C10orf90: variants seen among roughly 807,000 people sequenced by gnomAD.
C10orf90 encodes (E2-independent) E3 ubiquitin-conjugating enzyme FATS.
C10orf90 carries 56 observed loss-of-function variants against 62.5 expected under a neutral mutation model. The ratio of observed to expected loss-of-function variants is 0.90; its 90% CI spans 0.72 to 1.12. The LOEUF is 1.12. Ranked by LOEUF, C10orf90 falls within the 50% of genes most tolerant of loss-of-function variation. C10orf90 has a pLI of 0.00. For synonymous variants in C10orf90, 386 were observed against 340.4 expected, an observed-to-expected ratio of 1.13 and a Z score of -1.47; for missense variants, 970 against 880.4, an observed-to-expected ratio of 1.10 and a Z score of -1.29.
intron 2 of C10orf90, among the ~76,000 whole-genome samples, chr10:126,644,698 G>T (rs1846131592): frequency 6.6e-6 from 1 of 152,184 alleles, no homozygotes; most frequent in Non-Finnish European, 1.5e-5. Context: ...TCTCCAGTAG[G>T]CATCCACTGT....
chr10:126,642,364 C>T lies in C10orf90; in HGVS notation c.313+4201G>A, dbSNP rs544658453. ...TGGCTAACATGGTGAAACCCCGTCTCTACTAAAAATACAAAAAATTAGCCG... is the reference window on the plus strand; with the variant it reads ...TGGCTAACATGGTGAAACCCCGTCTTTACTAAAAATACAAAAAATTAGCCG... On this transcript the variant is annotated intron_variant, in intron 2 of 9. Transcript: ENST00000488181. Among the ~76,000 whole-genome samples, 5 of 152,208 alleles carry T rather than the reference C, an allele frequency of 3.3e-5. No individual in the cohort carries two copies. In the South Asian group the frequency reaches 1.0e-3, roughly 32 times the overall value.
intron 4 of C10orf90, among the ~76,000 whole-genome samples, chr10:126,488,012 T>C (rs771496217): frequency 3.3e-5 from 5 of 151,752 alleles, no homozygotes; most frequent in Non-Finnish European, 7.4e-5. Context: ...ACTAAAATAA[T>C]AGAAATAAAG....
At chr10:126,478,887 T>A (rs1261623326) in intron 4 of C10orf90, among the ~76,000 whole-genome samples, 2 of 152,118 alleles carry the variant, frequency 1.3e-5, no homozygotes, top group Non-Finnish European at 2.9e-5. Context: ...AGATGCTCAG[T>A]GAACTTTAAA....
rs1181743870 is a variant in C10orf90 at position 126,642,357 on chromosome 10, C to A, written c.313+4208G>T. The stretch of plus-strand genomic sequence containing the variant: ...ACCATCCTGGCTAACATGGTGAAAC[C>A]CCGTCTCTACTAAAAATACAAAAAA... On this transcript the variant is annotated intron_variant, in intron 2 of 9. Coordinates refer to ENST00000488181, the MANE Select transcript of C10orf90 (RefSeq NM_001350921.2). Among the ~76,000 whole-genome samples, 6 of 152,016 alleles carry A rather than the reference C, an allele frequency of 3.9e-5. No homozygotes were observed. The East Asian group carries it at 5.8e-4, about 15-fold the overall frequency.
intron 2 of C10orf90, among the ~76,000 whole-genome samples, chr10:126,521,638 G>C (rs1863749843): frequency 6.6e-6 from 1 of 152,198 alleles, no homozygotes; most frequent in Non-Finnish European, 1.5e-5. Context: ...TTGCATGAGA[G>C]TTATTTAAAA....
chr10:126,464,578 G>C (rs1860172355), intron 5 of C10orf90, 118 bp downstream of exon 5: 2 of 1,136,814 alleles, frequency 1.8e-6, no homozygotes, highest in Non-Finnish European at 2.5e-6. Flanking sequence ...CCCAGTTGGA[G>C]AAGGGGAGGT....
At chr10:126,654,283 C>T (rs1000423153) in intron 1 of C10orf90, among the ~76,000 whole-genome samples, 2 of 152,200 alleles carry the variant, frequency 1.3e-5, no homozygotes, top group East Asian at 3.8e-4. Context: ...GTTTAGTCTC[C>T]ATTGAAAATC....
At chr10:126,468,258 G>T (rs765834955) in intron 4 of C10orf90, among the ~76,000 whole-genome samples, 1 of 152,060 alleles carries the variant, frequency 6.6e-6, no homozygotes, top group Non-Finnish European at 1.5e-5. Context: ...TAGTGGAGAC[G>T]AGGTTTTACC....
chr10:126,558,276 C>T (rs1264991846), intron 2 of C10orf90, among the ~76,000 whole-genome samples: 1 of 152,136 alleles, frequency 6.6e-6, no homozygotes, highest in African/African-American at 2.4e-5. Flanking sequence ...TTTCTTAAAA[C>T]AGAAACTTGT....
At chr10:126,471,936 C>CAG (rs1211796175) in intron 4 of C10orf90, among the ~76,000 whole-genome samples, 4 of 97,970 alleles carry the variant, frequency 4.1e-5, no homozygotes, top group Non-Finnish European at 7.8e-5. Context: ...AACACACACA[C>CAG]ACACACGTGC....
intron 2 of C10orf90, among the ~76,000 whole-genome samples, chr10:126,521,997 G>A (rs1863765892): frequency 6.6e-6 from 1 of 152,210 alleles, no homozygotes; most frequent in Admixed American, 6.5e-5. Context: ...AGCCTGGCGT[G>A]GTGGCTCATG....
chr10:126,518,678 C>T (rs1863572426), intron 2 of C10orf90, among the ~76,000 whole-genome samples: 1 of 152,182 alleles, frequency 6.6e-6, no homozygotes, highest in Admixed American at 6.5e-5. Flanking sequence ...AGCACGCCTG[C>T]CCTCTGTGCC....
At chr10:126,633,939 C>T (rs891398939) in intron 2 of C10orf90, among the ~76,000 whole-genome samples, 16 of 152,284 alleles carry the variant, frequency 1.1e-4, no homozygotes, top group South Asian at 2.1e-4. Flanking sequence ...GGTATCACTT[C>T]GCACCTGTCA....
At chr10:126,630,338 T>C (rs889423621) in intron 2 of C10orf90, among the ~76,000 whole-genome samples, 3 of 152,106 alleles carry the variant, frequency 2.0e-5, no homozygotes, top group Non-Finnish European at 4.4e-5. Context: ...GGCACCAGTG[T>C]AGTCACTCTG....
At chr10:126,584,636 TG>T (rs1258716840) in intron 2 of C10orf90, among the ~76,000 whole-genome samples, 5 of 152,148 alleles carry the variant, frequency 3.3e-5, no homozygotes, top group African/African-American at 1.2e-4. Context: ...GCCCATGTTT[TG>T]CCCCTGTCCC....
chr10:126,560,191 A>G (rs1305306117), intron 2 of C10orf90, among the ~76,000 whole-genome samples: 2 of 152,194 alleles, frequency 1.3e-5, no homozygotes, highest in East Asian at 1.9e-4. Context: ...TTTCAGAAGG[A>G]AATAATCCCC....
rs553066281 is a variant in C10orf90 at position 126,661,991 on chromosome 10, G to C, written c.240+8250C>G. Among the ~76,000 whole-genome samples, 8 of 151,854 alleles carry C rather than the reference G, an allele frequency of 5.3e-5. No individual in the cohort carries two copies. In the South Asian group the frequency reaches 8.3e-4, roughly 16 times the overall value. ...TACTAACCAGTATTATCTTGGTTAT[G>C]AGTCATATGCTCTGGATTCTTTGAA... is the stretch of plus-strand genomic sequence containing the variant. On this transcript the variant is annotated intron_variant, in intron 1 of 9. Coordinates refer to ENST00000488181, the MANE Select transcript of C10orf90 (RefSeq NM_001350921.2).
chr10:126,527,619 C>T (rs1863985093), intron 2 of C10orf90, among the ~76,000 whole-genome samples: 1 of 152,206 alleles, frequency 6.6e-6, no homozygotes, highest in Non-Finnish European at 1.5e-5. Context: ...TTGCATCTAG[C>T]TTGGTCACTT....
At chr10:126,491,690 G>A (rs536995955) in intron 4 of C10orf90, among the ~76,000 whole-genome samples, 5 of 152,182 alleles carry the variant, frequency 3.3e-5, no homozygotes, top group Non-Finnish European at 7.3e-5. Flanking sequence ...TTCAAGTTGC[G>A]TGAGAATTTC....
Sources: gnomAD v4.1 joint callset for allele counts (sites outside exome capture counted in the v4.1 genomes callset) on GRCh38, gnomAD v4.1.1 for gene constraint, MANE v1.5 for transcripts, NCBI Gene and HGNC (gene_info 2026-07-23, HGNC 2026-07-21) for gene names.